NREP: variants seen among roughly 807,000 people sequenced by gnomAD.
NREP encodes neuronal regeneration-related protein.
Under a neutral mutation model 8.6 loss-of-function variants are expected in NREP, and 5 were observed. The ratio of observed to expected loss-of-function variants is 0.58; its 90% confidence interval spans 0.30 to 1.22. The LOEUF (loss-of-function observed/expected upper bound fraction) is 1.22. NREP is among the 50% of genes most tolerant of loss of function. The pLI, the probability that NREP is intolerant of heterozygous loss-of-function variation, is 0.07. For synonymous variants in NREP, 27 were observed against 28.0 expected, an observed-to-expected ratio of 0.96 and a Z score of 0.11; for missense variants, 86 against 82.5, an observed-to-expected ratio of 1.04 and a Z score of -0.17.
intron 2 of NREP, among the ~76,000 whole-genome samples, chr5:111,818,070 T>C (rs527946611): frequency 1.5e-3 from 231 of 152,272 alleles, no homozygotes; most frequent in African/African-American, 5.4e-3. Flanking sequence ...AATTCTCAAC[T>C]GAAGTTATCA....
At chr5:111,818,840 G>A (rs1452720202) in intron 2 of NREP, among the ~76,000 whole-genome samples, 1 of 152,166 alleles carries the variant, frequency 6.6e-6, no homozygotes, top group African/African-American at 2.4e-5. Context: ...GAAAGAATTA[G>A]ATATGTATAA....
intron 2 of NREP, among the ~76,000 whole-genome samples, chr5:111,875,391 T>C (rs1196419099): frequency 1.3e-5 from 2 of 152,176 alleles, no homozygotes; most frequent in African/African-American, 4.8e-5. Flanking sequence ...TATCTTTTTC[T>C]GGAAAGCTGT....
chr5:111,894,357 A>G (rs934881736), intron 2 of NREP, among the ~76,000 whole-genome samples: 2 of 152,046 alleles, frequency 1.3e-5, no homozygotes, highest in Admixed American at 6.6e-5. Flanking sequence ...GTTTTAAGGG[A>G]AAAAAACTGG....
intron 2 of NREP, among the ~76,000 whole-genome samples, chr5:111,965,897 A>C (rs759883735): frequency 2.0e-5 from 3 of 152,200 alleles, no homozygotes; most frequent in Admixed American, 2.0e-4. Flanking sequence ...TCTTTAAAAA[A>C]AAAATCAAAG....
chr5:111,956,096 A>C (rs1756308434), intron 2 of NREP, among the ~76,000 whole-genome samples: 1 of 152,120 alleles, frequency 6.6e-6, no homozygotes, highest in African/African-American at 2.4e-5. Context: ...GAAGTTGCCA[A>C]GGAACAGTGA....
chr5:111,788,286 T>C (rs1214654079), intron 2 of NREP, among the ~76,000 whole-genome samples: 2 of 152,224 alleles, frequency 1.3e-5, no homozygotes, highest in African/African-American at 4.8e-5. Context: ...ATTGTTTGCA[T>C]TTCTGGTATA....
intron 2 of NREP, chr5:111,738,427 T>G (rs1481103496): frequency 6.6e-6 from 1 of 152,222 alleles, no homozygotes; most frequent in Non-Finnish European, 1.5e-5. Context: ...TCGGTTTAAA[T>G]GTACTGTATT....
At chr5:111,782,382 G>T (rs1242439675) in intron 2 of NREP, among the ~76,000 whole-genome samples, 1 of 152,162 alleles carries the variant, frequency 6.6e-6, no homozygotes, top group East Asian at 1.9e-4. Flanking sequence ...CGCCTTAAAA[G>T]GCATTGATTC....
intron 2 of NREP, among the ~76,000 whole-genome samples, chr5:111,861,567 C>A (rs1753544728): frequency 6.6e-6 from 1 of 152,034 alleles, no homozygotes; most frequent in African/African-American, 2.4e-5. Context: ...GCAGAAGGAG[C>A]CATAACAAAC....
chr5:111,891,945 T>C (rs909649088), intron 2 of NREP, among the ~76,000 whole-genome samples: 1 of 152,132 alleles, frequency 6.6e-6, no homozygotes, highest in Admixed American at 6.5e-5. Context: ...ATCCAAACTA[T>C]ATCAGTCATT....
intron 2 of NREP, among the ~76,000 whole-genome samples, chr5:111,735,869 A>G (rs548517283): frequency 1.3e-5 from 2 of 152,190 alleles, no homozygotes; most frequent in Non-Finnish European, 2.9e-5. Flanking sequence ...AACTCCATCA[A>G]ACACTGTTAA....
At chr5:111,784,716 C>T (rs1195462683) in intron 2 of NREP, among the ~76,000 whole-genome samples, 1 of 152,106 alleles carries the variant, frequency 6.6e-6, no homozygotes, top group Non-Finnish European at 1.5e-5. Flanking sequence ...GAATGTAAGG[C>T]ATTTCCAAAC....
chr5:111,929,946 T>G (rs752430290), intron 2 of NREP, among the ~76,000 whole-genome samples: 2 of 152,144 alleles, frequency 1.3e-5, no homozygotes, highest in Non-Finnish European at 2.9e-5. Context: ...TCCTTTCCTT[T>G]ATATTCCCCT....
intron 2 of NREP, among the ~76,000 whole-genome samples, chr5:111,956,638 C>T (rs973558395): frequency 6.6e-6 from 1 of 151,854 alleles, no homozygotes; most frequent in African/African-American, 2.4e-5. Flanking sequence ...TGACAGTTAT[C>T]CAGAAGTAAA....
intron 2 of NREP, among the ~76,000 whole-genome samples, chr5:111,934,308 T>C (rs1004038073): frequency 1.3e-5 from 2 of 152,068 alleles, no homozygotes. Context: ...ACTCTTATGC[T>C]TCTAAGTAAG....
chr5:111,920,371 T>C (rs1315018909), intron 2 of NREP, among the ~76,000 whole-genome samples: 6 of 152,106 alleles, frequency 3.9e-5, no homozygotes, highest in African/African-American at 1.2e-4. Context: ...TATACGTGTG[T>C]CATGGTGGTT....
chr5:111,900,543 A>ACC (rs1754623099), intron 2 of NREP, among the ~76,000 whole-genome samples: 1 of 152,056 alleles, frequency 6.6e-6, no homozygotes, highest in African/African-American at 2.4e-5. Context: ...AAAAGAGTAA[A>ACC]TGTCCAATAA....
chr5:111,745,262 G>A (rs556950332), intron 2 of NREP, among the ~76,000 whole-genome samples: 1 of 152,184 alleles, frequency 6.6e-6, no homozygotes, highest in African/African-American at 2.4e-5. Context: ...AACACTGAGG[G>A]AGAATAGTCA....
chr5:111,941,902 T>A (rs867016527), intron 2 of NREP, among the ~76,000 whole-genome samples: 207 of 152,086 alleles, frequency 1.4e-3, no homozygotes, highest in African/African-American at 4.8e-3. Context: ...TGTCTATGTG[T>A]TATATCACCA....
Sources: gnomAD v4.1 joint callset for allele counts (sites outside exome capture counted in the v4.1 genomes callset) on GRCh38, gnomAD v4.1.1 for gene constraint, MANE v1.5 for transcripts, NCBI Gene and HGNC (gene_info 2026-07-23, HGNC 2026-07-21) for gene names.